PCDHGA4: variants seen among roughly 807,000 people sequenced by gnomAD.
PCDHGA4 encodes the protein protocadherin gamma subfamily A, 4.
In PCDHGA4, 38 loss-of-function variants were observed where a neutral mutation model predicts 54.6. That is an observed-to-expected ratio of 0.70 (90% CI 0.54 to 0.91). The LOEUF is 0.91. Ranked by LOEUF, PCDHGA4 falls within the 40% of genes least tolerant of loss-of-function variation. PCDHGA4 has a pLI of 0.00. For missense variants in PCDHGA4, 1,298 were observed against 1,220.9 expected, an observed-to-expected ratio of 1.06 and a Z score of -0.94; for synonymous variants, 511 against 512.9, an observed-to-expected ratio of 1.00 and a Z score of 0.05.
At chr5:141,419,109 A>T in intron 1 of PCDHGA4, 1 of 1,613,940 alleles carries the variant, frequency 6.2e-7, no homozygotes, top group Non-Finnish European at 8.5e-7. Flanking sequence ...CAGACCCCAG[A>T]GTACAACGTC....
intron 1 of PCDHGA4, chr5:141,378,290 C>G (rs544518611): frequency 6.6e-6 from 1 of 152,232 alleles, no homozygotes; most frequent in Non-Finnish European, 1.5e-5. Flanking sequence ...TTTGGGAGGC[C>G]AAGGCAGGCA....
rs755602367 is a variant in PCDHGA4, at chr5:141,415,231, G to A, written c.2514+57610G>A. ...GGACCTCGGCAGCTTCGAGTCTCCA[G>A]CTAACTCTGAAACCTCAGACCTCAC... On this transcript the variant is annotated intron_variant, in intron 1 of 3. Transcript: ENST00000571252. 2.1e-5 allele frequency: 34 copies of A among 1,614,042 alleles called. No homozygotes were observed. The South Asian group carries it at 3.2e-4, about 15-fold the overall frequency.
Position 141,356,313 on chromosome 5 carries a change from G to T in PCDHGA4, c.1206G>T (p.Val402=). Residue 402 remains valine (V), a synonymous_variant, in exon 1 of 4, where the codon GTG becomes GTT. Transcript: ENST00000571252. ...GTACAGTAATTGCACTTTTCAACGT[G>T]CATGACAGTGACTCAGGAGGAAATG... ...SPGTVIALFN[V]HDSDSGGNGL... 1.3e-6 allele frequency: 2 copies of T among 1,554,238 alleles called. No individual in the cohort carries two copies. Among genetic ancestry groups the T allele is most frequent in the Non-Finnish European group, 1.7e-6 (2 of 1,148,302 alleles).
chr5:141,383,820 A>T, intron 1 of PCDHGA4: 1 of 1,613,924 alleles, frequency 6.2e-7, no homozygotes, highest in East Asian at 2.2e-5. Context: ...TAGAAGGATT[A>T]GATTATGAAG....
Position 141,356,912 on chromosome 5 carries a change from G to A in PCDHGA4, c.1805G>A (p.Gly602Asp). Reference protein sequence around the residue: ...EILYPTFPTDGSTGVELAPRS... With the variant: ...EILYPTFPTDDSTGVELAPRS... ...CTGTACCCCACCTTCCCTACTGATGGCTCCACTGGTGTGGAGCTGGCACCC... is the reference window on the plus strand; with the variant it reads ...CTGTACCCCACCTTCCCTACTGATGACTCCACTGGTGTGGAGCTGGCACCC... The change falls in exon 1 of 4, where the codon GGC (glycine) becomes GAC (aspartate). Residue 602 changes from glycine to aspartate, a missense_variant. By Grantham distance (94) the Gly-to-Asp change is moderately conservative (BLOSUM62 -1). Coordinates refer to ENST00000571252, the MANE Select transcript of PCDHGA4 (RefSeq NM_018917.4). The A allele has an allele frequency of 6.2e-7, 1 of 1,614,130 alleles. No individual in the cohort carries two copies. Among genetic ancestry groups the A allele is most frequent in the Non-Finnish European group, 8.5e-7 (1 of 1,180,030 alleles).
At position 141,356,210 on chromosome 5, in the gene PCDHGA4, T is replaced by C. The variant is rs1037519261; in HGVS notation, c.1103T>C (p.Val368Ala). ...LRARSKVLVT[V>A]LDENDNAPEV... ...GCTAGAAGCAAGGTACTGGTGACAG[T>C]TCTGGATGAAAATGACAACGCACCA... Residue 368 changes from valine (V) to alanine (A), a missense_variant, in exon 1 of 4, where the codon GTT (valine) becomes GCT (alanine). Physicochemically the swap from Val to Ala is moderately conservative, Grantham distance 64 (BLOSUM62 0). Coordinates refer to ENST00000571252, the MANE Select transcript of PCDHGA4 (RefSeq NM_018917.4). The C allele has an allele frequency of 6.2e-7, 1 of 1,605,038 alleles. No individual in the cohort carries two copies. Among genetic ancestry groups the C allele is most frequent in the Non-Finnish European group, 8.5e-7 (1 of 1,175,568 alleles).
At chr5:141,393,142 T>C in intron 1 of PCDHGA4, 1 of 1,613,286 alleles carries the variant, frequency 6.2e-7, no homozygotes, top group Non-Finnish European at 8.5e-7. Flanking sequence ...AACACCCTGG[T>C]TGAGGATAAA....
chr5:141,428,190 T>C (rs1348507135), intron 1 of PCDHGA4: 2 of 1,429,918 alleles, frequency 1.4e-6, no homozygotes, highest in Non-Finnish European at 1.9e-6. Flanking sequence ...CAGCCGCCGC[T>C]CTCTGCGCCG....
chr5:141,388,723 C>T, intron 1 of PCDHGA4: 1 of 1,614,018 alleles, frequency 6.2e-7, no homozygotes, highest in Non-Finnish European at 8.5e-7. Flanking sequence ...ATTACTTTCT[C>T]TTTCAGTGAA....
intron 1 of PCDHGA4, chr5:141,397,964 T>A: frequency 9.4e-7 from 1 of 1,060,074 alleles, no homozygotes; most frequent in Non-Finnish European, 1.3e-6. Context: ...CAGCTCAGAC[T>A]CCCCAGCGCC....
chr5:141,472,465 A>C (rs886879646), intron 1 of PCDHGA4, among the ~76,000 whole-genome samples: 4 of 152,032 alleles, frequency 2.6e-5, no homozygotes, highest in Non-Finnish European at 5.9e-5. Flanking sequence ...GCTTGAACCC[A>C]GAAGGCAGAG....
chr5:141,461,648 A>G (rs910827619), intron 1 of PCDHGA4, among the ~76,000 whole-genome samples: 2 of 152,070 alleles, frequency 1.3e-5, no homozygotes, highest in South Asian at 2.1e-4. Context: ...TCTTTGACCC[A>G]TGGATTATTT....
chr5:141,496,287 C>T (rs768553690), intron 2 of PCDHGA4, among the ~76,000 whole-genome samples: 3 of 152,200 alleles, frequency 2.0e-5, no homozygotes, highest in Non-Finnish European at 4.4e-5. Flanking sequence ...TTGGTCTGAG[C>T]AGAGTGGGAT....
chr5:141,495,921 T>C (rs959070876), intron 2 of PCDHGA4, among the ~76,000 whole-genome samples: 1 of 152,196 alleles, frequency 6.6e-6, no homozygotes, highest in Non-Finnish European at 1.5e-5. Context: ...TCTTTCTTTG[T>C]CTCTGTCTCT....
rs781289120 is a variant in PCDHGA4 at position 141,431,571 on chromosome 5, A to G, written c.2515-63236A>G. ...GTAGTCAACGCTACCGACCCTGACG[A>G]AGGAGTCAATGCGGAAGTGAGGTAT... is the stretch of plus-strand genomic sequence containing the variant. On this transcript the variant is annotated intron_variant, in intron 1 of 3. Transcript: ENST00000571252. The surrounding 1 kb of genome is among the most constrained non-coding windows in gnomAD (Gnocchi z 4.8). 6.2e-7 allele frequency: 1 copy of G among 1,614,144 alleles called. No homozygotes were observed. The highest frequency in any genetic ancestry group is 2.2e-5 in the East Asian group (1 of 44,882).
At chr5:141,428,070 T>G (rs756684090) in intron 1 of PCDHGA4, 7 of 1,609,106 alleles carry the variant, frequency 4.4e-6, no homozygotes, top group Non-Finnish European at 5.1e-6. Context: ...GGACGCAGAT[T>G]CGGGACACAA....
rs983998465 is a variant in PCDHGA4 at position 141,494,817 on chromosome 5, C to T, written c.2525C>T (p.Pro842Leu). ...KGDPNLQQAP[P>L]NTDWRFSQAQ... ...CTGTTTTCTCCACAGCAAGCCCCGC[C>T]CAACACGGACTGGCGTTTCTCTCAG... The change falls in exon 2 of 4, where the codon CCC becomes CTC. Residue 842 changes from proline to leucine, a missense_variant. Transcript: ENST00000571252. 1.2e-6 allele frequency: 2 copies of T among 1,614,016 alleles called. No individual in the cohort carries two copies. Among genetic ancestry groups the T allele is most frequent in the Non-Finnish European group, 1.7e-6 (2 of 1,180,026 alleles).
At chr5:141,414,231 C>T (rs2095722548) in intron 1 of PCDHGA4, 1 of 1,613,304 alleles carries the variant, frequency 6.2e-7, no homozygotes, top group South Asian at 1.1e-5. Flanking sequence ...CAGAGCTGAC[C>T]ATCACGTCTC....
Position 141,432,691 on chromosome 5 carries a change from G to T in PCDHGA4, c.2515-62116G>T. 1 of 1,613,942 alleles carries T rather than the reference G, an allele frequency of 6.2e-7. No individual in the cohort carries two copies. The highest frequency in any genetic ancestry group is 1.1e-5 in the South Asian group (1 of 91,068). On this transcript the variant is annotated intron_variant, in intron 1 of 3. Coordinates refer to ENST00000571252, the MANE Select transcript of PCDHGA4 (RefSeq NM_018917.4). This position sits in a 1 kb window ranked among gnomAD's most constrained non-coding sequence, Gnocchi z 6.0. ...ACGCGCTCAAGCAGAGCCTCGTAGT[G>T]GCCGTCCAGGACCACGGCCAGCCCC... is the stretch of plus-strand genomic sequence containing the variant.
Sources: gnomAD v4.1 joint callset for allele counts (sites outside exome capture counted in the v4.1 genomes callset) on GRCh38, gnomAD v4.1.1 for gene constraint, Gnocchi (gnomAD v3.1) non-coding constraint, MANE v1.5 for transcripts, NCBI Gene and HGNC (gene_info 2026-07-23, HGNC 2026-07-21) for gene names.